The following MPP4 variants were observed in gnomAD, a reference collection of about 807,000 sequenced individuals.
MPP4 encodes the protein MAGUK p55 scaffold protein 4.
In MPP4, 91 loss-of-function variants were observed where a neutral mutation model predicts 98.3. That is an observed-to-expected ratio of 0.93 (90% CI 0.78 to 1.10). MPP4 has a LOEUF of 1.10. MPP4 is among the 50% of genes least tolerant of loss of function. The probability of loss-of-function intolerance (pLI) is 0.00; values close to 1 mark genes in which losing one functional copy is unlikely to be tolerated. For missense variants in MPP4, 744 were observed against 792.9 expected (o/e 0.94, Z 0.74); for synonymous variants, 261 against 271.8 (o/e 0.96, Z 0.39).
At chr2:201,656,480 T>C in intron 16 of MPP4, 112 bp from the exon 17 acceptor site, 1 of 1,060,172 alleles carries the variant, frequency 9.4e-7, no homozygotes, top group Non-Finnish European at 1.3e-6. Context: ...ATTAATATAG[T>C]CAGGTCTGTC....
chr2:201,647,066 A>G (rs1687578065), intron 21 of MPP4, among the ~76,000 whole-genome samples: 1 of 152,190 alleles, frequency 6.6e-6, no homozygotes, highest in African/African-American at 2.4e-5. Flanking sequence ...ACCTTACTGA[A>G]TGTATGTTAT....
At chr2:201,675,698 G>C (rs1052864166) in intron 10 of MPP4, among the ~76,000 whole-genome samples, 4 of 152,082 alleles carry the variant, frequency 2.6e-5, no homozygotes, top group Non-Finnish European at 2.9e-5. Flanking sequence ...CTCCTTTCTT[G>C]ATCTCTAGCA....
chr2:201,676,724 A>G (rs1688517245), intron 10 of MPP4, among the ~76,000 whole-genome samples: 1 of 152,140 alleles, frequency 6.6e-6, no homozygotes, highest in South Asian at 2.1e-4. Context: ...ACACAGTGAA[A>G]CCCCATCTCT....
At chr2:201,683,427 GC>G (rs1256655286) in intron 7 of MPP4, among the ~76,000 whole-genome samples, 1 of 152,222 alleles carries the variant, frequency 6.6e-6, no homozygotes, top group Non-Finnish European at 1.5e-5. Flanking sequence ...GGTGTCAACA[GC>G]ATCAGATGTG....
intron 11 of MPP4, chr2:201,673,662 G>A (rs1258672362): frequency 6.4e-6 from 1 of 155,426 alleles, no homozygotes; most frequent in Non-Finnish European, 1.5e-5. Context: ...TTCACCACTG[G>A]AAGTTAATAT....
At position 201,669,757 on chromosome 2, in the gene MPP4, A is replaced by T. The variant is rs1399120909; in HGVS notation, c.995-7T>A. The T allele has an allele frequency of 1.4e-6, 2 of 1,425,486 alleles. No homozygotes were observed. Among genetic ancestry groups the T allele is most frequent in the East Asian group, 5.2e-5 (2 of 38,330 alleles). 88.3% of individuals were successfully genotyped at this position (1,425,486 alleles called of 1,614,324 possible). On this transcript the variant is annotated splice_polypyrimidine_tract_variant and splice_region_variant and intron_variant, in intron 11 of 21. Transcript: ENST00000409474. The stretch of plus-strand genomic sequence containing the variant: ...CCTTCTTCCATAGAAATTGCTGAGT[A>T]CAAGCAAATGATTGAAGCAGGGGGG...
At chr2:201,661,511 A>G (rs1393192425) in intron 14 of MPP4, 1 of 456,370 alleles carries the variant, frequency 2.2e-6, no homozygotes, top group Non-Finnish European at 4.4e-6. Flanking sequence ...TCACTTTTCC[A>G]GCTGAGAGGA....
At position 201,694,051 on chromosome 2, in the gene MPP4, C is replaced by A; in HGVS notation, c.-97G>T. On this transcript the variant is annotated 5_prime_UTR_variant, in exon 2 of 22. Transcript: ENST00000409474. ...AGTCCCACTGGCCACCAGCTCTCAG[C>A]ACACTGGAATATATTTTCAATAGCA... The A allele has an allele frequency of 6.2e-7, 1 of 1,609,702 alleles. No individual in the cohort carries two copies. Among genetic ancestry groups the A allele is most frequent in the Non-Finnish European group, 8.5e-7 (1 of 1,177,992 alleles).
chr2:201,660,240 T>A (rs1055543209), intron 15 of MPP4, 92 bp downstream of exon 15: 3 of 1,209,186 alleles, frequency 2.5e-6, no homozygotes, highest in Non-Finnish European at 3.6e-6. Context: ...ATCTTCATCT[T>A]AAACATTATC....
chr2:201,660,808 C>T (rs1009416979), intron 14 of MPP4, among the ~76,000 whole-genome samples: 1 of 152,268 alleles, frequency 6.6e-6, no homozygotes, highest in Non-Finnish European at 1.5e-5. Flanking sequence ...TCATTCCTTC[C>T]CCTTCCTGGG....
At chr2:201,645,456 G>A in intron 21 of MPP4, 52 bp from the exon 22 acceptor site, 3 of 1,440,088 alleles carry the variant, frequency 2.1e-6, no homozygotes, top group Admixed American at 4.2e-5. Flanking sequence ...TGGACAAATG[G>A]AAAAAATACA....
At chr2:201,661,370 A>T (rs1346586359) in intron 14 of MPP4, 1 of 456,322 alleles carries the variant, frequency 2.2e-6, no homozygotes, top group African/African-American at 2.0e-5. Context: ...CAGTCTAAGT[A>T]ACAGAATTAA....
intron 12 of MPP4, among the ~76,000 whole-genome samples, chr2:201,668,500 T>C (rs2105926888): frequency 6.6e-6 from 1 of 151,770 alleles, no homozygotes; most frequent in South Asian, 2.1e-4. Flanking sequence ...CTCTCTTCTT[T>C]CTCTCTCCCT....
Position 201,645,055 on chromosome 2 carries a change from A to G in MPP4, c.*155T>C. 1 of 607,352 alleles carries G rather than the reference A, an allele frequency of 1.6e-6. No individual in the cohort carries two copies. Among genetic ancestry groups the G allele is most frequent in the East Asian group, 3.2e-5 (1 of 31,168 alleles). The allele number at this position is 607,352 out of a possible 1,614,324, so 37.6% of individuals were successfully genotyped here. On this transcript the variant is annotated 3_prime_UTR_variant, in exon 22 of 22. Transcript: ENST00000409474. ...AAAATAGGTAACCACATAACCATAC[A>G]ATAAAAATTTTTTTCAAATAAGATT... is the stretch of plus-strand genomic sequence containing the variant.
At chr2:201,657,958 T>G (rs1687905189) in intron 16 of MPP4, among the ~76,000 whole-genome samples, 1 of 150,042 alleles carries the variant, frequency 6.7e-6, no homozygotes, top group Non-Finnish European at 1.5e-5. Flanking sequence ...CCCCTTGTTT[T>G]TTTTTTTTTT....
intron 18 of MPP4, chr2:201,651,835 T>A: frequency 3.2e-6 from 1 of 310,338 alleles, no homozygotes; most frequent in Non-Finnish European, 4.7e-6. Context: ...ACACCTGTAA[T>A]CCCAACTACT....
chr2:201,645,430 A>G, intron 21 of MPP4, 26 bp from the exon 22 acceptor site: 1 of 1,593,192 alleles, frequency 6.3e-7, no homozygotes, highest in South Asian at 1.1e-5. Flanking sequence ...AAAAATATGG[A>G]TAGTACAGAC....
chr2:201,674,968 C>A, intron 11 of MPP4: 1 of 633,460 alleles, frequency 1.6e-6, no homozygotes, highest in East Asian at 3.0e-5. Flanking sequence ...CCTATGATTT[C>A]GTCTCTGATC....
chr2:201,679,712 A>G (rs1688616132), intron 10 of MPP4, among the ~76,000 whole-genome samples: 1 of 152,106 alleles, frequency 6.6e-6, no homozygotes, highest in Non-Finnish European at 1.5e-5. Context: ...CCTCTGGTGG[A>G]TGACTCCCAT....
Sources: gnomAD v4.1 joint callset for allele counts (sites outside exome capture counted in the v4.1 genomes callset) on GRCh38, gnomAD v4.1.1 for gene constraint, MANE v1.5 for transcripts, NCBI Gene and HGNC (gene_info 2026-07-23, HGNC 2026-07-21) for gene names.